The following SLC35F4 variants were observed in gnomAD, a reference collection of about 807,000 sequenced individuals.
SLC35F4 encodes chromosome 14 open reading frame 36.
A neutral mutation model predicts 44.2 loss-of-function variants in SLC35F4; 24 were observed. The ratio of observed to expected loss-of-function variants is 0.54; its 90% CI spans 0.39 to 0.76. The LOEUF is 0.76. Among genes scored for constraint, SLC35F4 ranks in the 30% least tolerant of loss-of-function variants. The pLI is 0.00. For missense variants in SLC35F4, 562 were observed against 586.1 expected, an observed-to-expected ratio of 0.96 and a Z score of 0.42; for synonymous variants, 238 against 223.6, an observed-to-expected ratio of 1.06 and a Z score of -0.57.
In SLC35F4 at chr14:57,600,680, A is replaced by C. The variant is rs573409886; in HGVS notation, c.104-6556T>G. 3.8e-3 allele frequency among the ~76,000 whole-genome samples: 312 copies of C among 82,450 alleles called. 7 individuals are homozygous for C. Among genetic ancestry groups the C allele is most frequent in the African/African-American group, 0.013 (304 of 23,792 alleles). The allele number at this position is 82,450 out of a possible 152,430, so 54.1% of individuals were successfully genotyped here. ...GCACTCCAGCCTGGGCGACAGAGCA[A>C]GACTCCATCTCAAAAAAAAAAAAAA... On this transcript the variant is annotated intron_variant, in intron 1 of 7. Coordinates refer to ENST00000556826, the MANE Select transcript of SLC35F4 (RefSeq NM_001306087.2).
chr14:57,896,171 T>C (rs1475111126), intron 1 of SLC35F4, among the ~76,000 whole-genome samples: 5 of 152,144 alleles, frequency 3.3e-5, no homozygotes, highest in Non-Finnish European at 7.4e-5. Flanking sequence ...TAAGTGGAGA[T>C]GCCAGTAGGC....
chr14:57,847,370 T>C (rs1886130176), intron 1 of SLC35F4, among the ~76,000 whole-genome samples: 1 of 152,202 alleles, frequency 6.6e-6, no homozygotes, highest in South Asian at 2.1e-4. Context: ...ACTTTTCTTA[T>C]ACTGGTAAGG....
chr14:57,840,403 C>T (rs983856581), intron 1 of SLC35F4, among the ~76,000 whole-genome samples: 1 of 152,072 alleles, frequency 6.6e-6, no homozygotes, highest in Non-Finnish European at 1.5e-5. Context: ...AGAGACTATA[C>T]CAAGTAGCTG....
intron 1 of SLC35F4, among the ~76,000 whole-genome samples, chr14:57,883,527 G>T (rs575365496): frequency 1.6e-4 from 25 of 152,314 alleles, no homozygotes; most frequent in African/African-American, 5.8e-4. Context: ...ACTTAATTTA[G>T]TAAGGATGGA....
intron 1 of SLC35F4, among the ~76,000 whole-genome samples, chr14:57,943,393 A>G (rs1291880022): frequency 1.3e-5 from 2 of 152,220 alleles, no homozygotes; most frequent in East Asian, 3.8e-4. Flanking sequence ...TCTAATTTCT[A>G]TTAAGTACAT....
intron 1 of SLC35F4, among the ~76,000 whole-genome samples, chr14:57,728,613 T>C (rs7494013): frequency 0.4 from 61,125 of 151,264 alleles, 12,364 homozygotes; most frequent in Middle Eastern, 0.43. Flanking sequence ...CTACGCCCAG[T>C]TAATTTTTAT....
At chr14:57,842,762 T>C (rs942847749) in intron 1 of SLC35F4, among the ~76,000 whole-genome samples, 2 of 152,180 alleles carry the variant, frequency 1.3e-5, no homozygotes, top group South Asian at 4.1e-4. Flanking sequence ...TCAATTTAAA[T>C]GGATTGAAGG....
intron 1 of SLC35F4, among the ~76,000 whole-genome samples, chr14:57,638,588 AC>A (rs1230696680): frequency 1.3e-5 from 2 of 152,116 alleles, no homozygotes; most frequent in Admixed American, 6.6e-5. Context: ...TGCAGGGTGA[AC>A]CCTTTAAAGA....
chr14:57,670,409 T>C (rs2074474381), intron 1 of SLC35F4, among the ~76,000 whole-genome samples: 1 of 152,240 alleles, frequency 6.6e-6, no homozygotes, highest in African/African-American at 2.4e-5. Context: ...CTCTAGTTCT[T>C]TTAATTGTGA....
chr14:57,652,662 C>T (rs2073827979), intron 1 of SLC35F4, among the ~76,000 whole-genome samples: 1 of 150,296 alleles, frequency 6.7e-6, no homozygotes, highest in South Asian at 2.1e-4. Flanking sequence ...GATAGTAACC[C>T]CCACACAAAG....
At chr14:57,633,056 A>C (rs2072861028) in intron 1 of SLC35F4, among the ~76,000 whole-genome samples, 1 of 152,150 alleles carries the variant, frequency 6.6e-6, no homozygotes, top group African/African-American at 2.4e-5. Context: ...ATGTCATTTC[A>C]TAATCTGATA....
chr14:57,768,795 C>A lies in SLC35F4; in HGVS notation c.103+96928G>T, dbSNP rs138088749. On this transcript the variant is annotated intron_variant, in intron 1 of 7. Transcript: ENST00000556826. The stretch of plus-strand genomic sequence containing the variant: ...TGAGACGAAGTCTTGCTCGGTCGCC[C>A]AGGCTAGAGCGCAGTAGCGCAATCT... Among the ~76,000 whole-genome samples, 17 of 152,198 alleles carry A rather than the reference C, an allele frequency of 1.1e-4. No homozygotes were observed. The East Asian group carries it at 3.3e-3, about 29-fold the overall frequency.
At chr14:57,968,703 G>A (rs1880963072) in intron 1 of SLC35F4, among the ~76,000 whole-genome samples, 1 of 152,156 alleles carries the variant, frequency 6.6e-6, no homozygotes, top group Non-Finnish European at 1.5e-5. Flanking sequence ...TGTTTAATAA[G>A]CAGGGCGTGG....
At chr14:57,729,255 G>A (rs1213367518) in intron 1 of SLC35F4, among the ~76,000 whole-genome samples, 1 of 152,098 alleles carries the variant, frequency 6.6e-6, no homozygotes, top group African/African-American at 2.4e-5. Context: ...GGTATTTGGA[G>A]TACAAGACAA....
intron 1 of SLC35F4, among the ~76,000 whole-genome samples, chr14:57,795,336 G>T (rs573276365): frequency 6.6e-6 from 1 of 152,056 alleles, no homozygotes. Flanking sequence ...TTTCTCCCTG[G>T]TAGTCTAGAA....
intron 1 of SLC35F4, among the ~76,000 whole-genome samples, chr14:57,658,591 T>A (rs2074040681): frequency 6.6e-6 from 1 of 152,208 alleles, no homozygotes; most frequent in Non-Finnish European, 1.5e-5. Context: ...GACCACTCTT[T>A]GTTTTTAAAT....
At chr14:57,565,785 CT>C (rs1216672421) in intron 7 of SLC35F4, among the ~76,000 whole-genome samples, 2 of 151,962 alleles carry the variant, frequency 1.3e-5, no homozygotes, top group Non-Finnish European at 2.9e-5. Flanking sequence ...GTATTTTTTT[CT>C]TTTTTGCTGC....
rs541381585 is a variant in SLC35F4 at position 57,779,008 on chromosome 14, C to T, written c.103+86715G>A. ...GGAAATTTATAGCACTAAATGTCTA[C>T]ATCAAAAAGTTAAAAAGATATCAAG... is the stretch of plus-strand genomic sequence containing the variant. On this transcript the variant is annotated intron_variant, in intron 1 of 7. Coordinates refer to ENST00000556826, the MANE Select transcript of SLC35F4 (RefSeq NM_001306087.2). Among the ~76,000 whole-genome samples the T allele has an allele frequency of 8.1e-4, 123 of 152,142 alleles. 2 individuals carry two copies. The highest frequency in any genetic ancestry group is 2.9e-3 in the African/African-American group (120 of 41,542).
intron 2 of SLC35F4, 26 bp from the exon 3 acceptor site, chr14:57,589,539 G>T (rs1190313): frequency 0.6 from 929,656 of 1,559,092 alleles, 280,495 homozygotes; most frequent in East Asian, 0.88. Flanking sequence ...GAATACAAAT[G>T]TGAGGAAAGC....
Sources: allele counts gnomAD v4.1 joint callset (sites outside exome capture counted in the v4.1 genomes callset), GRCh38; gene constraint gnomAD v4.1.1; transcripts MANE v1.5; gene names NCBI Gene and HGNC (gene_info 2026-07-23, HGNC 2026-07-21).